The following CD6 variants were observed in gnomAD, a reference collection of about 807,000 sequenced individuals.
CD6 encodes T-cell differentiation antigen CD6.
In CD6, 53 loss-of-function variants were observed where a neutral mutation model predicts 75.3. The observed-to-expected ratio is 0.70, with a 90% CI of 0.56 to 0.88. The LOEUF (loss-of-function observed/expected upper bound fraction) is 0.88. Among genes scored for constraint, CD6 ranks in the 40% least tolerant of loss-of-function variants. The pLI is 0.00. For missense variants in CD6, 770 were observed against 897.1 expected (o/e 0.86, Z 1.81); for synonymous variants, 359 against 381.5 (o/e 0.94, Z 0.69).
rs370112043 is a variant in CD6 at position 61,018,444 on chromosome 11, G to T, written c.1942+51G>T. The T allele has an allele frequency of 3.8e-4, 487 of 1,287,484 alleles. 5 individuals carry two copies. The South Asian group carries it at 5.6e-3, about 15-fold the overall frequency. The allele number at this position is 1,287,484 out of a possible 1,614,324, so 79.8% of individuals were successfully genotyped here. A position where few individuals can be genotyped will look rare whatever the true frequency, so the allele number is the denominator to read the frequency against. ...GGGAGGGGGACAGAGAGGGACTGGG[G>T]AGTAAATGAGTGGGGAACTATTGGA... is the stretch of plus-strand genomic sequence containing the variant. On this transcript the variant is annotated intron_variant, in intron 12 of 12. Coordinates refer to ENST00000313421, the MANE Select transcript of CD6 (RefSeq NM_006725.5).
chr11:60,993,936 TC>T (rs1858167298), intron 1 of CD6, among the ~76,000 whole-genome samples: 1 of 151,474 alleles, frequency 6.6e-6, no homozygotes, highest in Admixed American at 6.6e-5. Flanking sequence ...GGAGGGGGAG[TC>T]CCAGCAATTG....
chr11:60,989,794 C>T (rs1219162279), intron 1 of CD6, among the ~76,000 whole-genome samples: 2 of 152,116 alleles, frequency 1.3e-5, no homozygotes, highest in Non-Finnish European at 2.9e-5. Flanking sequence ...CCAGAAAGTT[C>T]CTTGTCTCTT....
intron 1 of CD6, among the ~76,000 whole-genome samples, chr11:60,979,118 G>A (rs923547100): frequency 6.6e-6 from 1 of 152,186 alleles, no homozygotes; most frequent in Admixed American, 6.5e-5. Context: ...GCAGGCTGGT[G>A]CTTTTTCCAT....
At chr11:61,012,975 C>A (rs1828728027) in intron 6 of CD6, among the ~76,000 whole-genome samples, 1 of 152,222 alleles carries the variant, frequency 6.6e-6, no homozygotes, top group African/African-American at 2.4e-5. Context: ...GCTGTTCAAA[C>A]CTCCATCACA....
intron 1 of CD6, among the ~76,000 whole-genome samples, chr11:61,004,097 T>C (rs1858727691): frequency 1.3e-5 from 2 of 152,120 alleles, no homozygotes; most frequent in African/African-American, 4.8e-5. Flanking sequence ...ATTTTTGTCT[T>C]TATGCATGAG....
intron 1 of CD6, chr11:60,987,947 A>T (rs77084418): frequency 0.025 from 3,735 of 152,356 alleles, 79 homozygotes; most frequent in East Asian, 0.051. Context: ...AGAGAATGGA[A>T]TGAATGAGTG....
At chr11:60,981,299 A>G (rs1857550635) in intron 1 of CD6, among the ~76,000 whole-genome samples, 1 of 152,138 alleles carries the variant, frequency 6.6e-6, no homozygotes, top group South Asian at 2.1e-4. Flanking sequence ...CGCACCACTA[A>G]TAGATGACAG....
intron 1 of CD6, among the ~76,000 whole-genome samples, chr11:60,973,950 G>A (rs1857279613): frequency 6.6e-6 from 1 of 152,164 alleles, no homozygotes; most frequent in African/African-American, 2.4e-5. Context: ...CTACACTCCA[G>A]GCCTCCCTGA....
chr11:61,018,068 C>T, intron 11 of CD6, 55 bp downstream of exon 11: 1 of 1,585,898 alleles, frequency 6.3e-7, no homozygotes, highest in Non-Finnish European at 8.6e-7. Flanking sequence ...CTGGAGGAGG[C>T]ATAAAGCTGG....
chr11:60,981,395 C>G (rs980901238), intron 1 of CD6, among the ~76,000 whole-genome samples: 2 of 152,194 alleles, frequency 1.3e-5, no homozygotes, highest in Admixed American at 6.5e-5. Context: ...GACCCCTCCC[C>G]ACTCAAGACT....
chr11:61,015,552 CAG>C (rs767516785), intron 8 of CD6, 159 bp from the exon 9 acceptor site: 5 of 805,432 alleles, frequency 6.2e-6, no homozygotes, highest in Non-Finnish European at 9.9e-6. Flanking sequence ...GCCTGGACAA[CAG>C]AGTGAGACCC....
rs1858558878 is a variant in CD6 at position 61,000,965 on chromosome 11, A to G, written c.50-5609A>G. On this transcript the variant is annotated intron_variant, in intron 1 of 12. Transcript: ENST00000313421. ...GCACTCCCAACCTCTTTCTTCTCCT[A>G]TTCTGAAACCAGCCGCTCCCCTCCA... Among the ~76,000 whole-genome samples, 3 of 152,006 alleles carry G rather than the reference A, an allele frequency of 2.0e-5. No homozygotes were observed. The South Asian group carries it at 6.2e-4, about 32-fold the overall frequency.
rs1554995700 is a variant in CD6 at position 61,005,941 on chromosome 11, AAAAG to A, written c.50-616_50-613del. Among the ~76,000 whole-genome samples the A allele has an allele frequency of 1.5e-4, 22 of 151,322 alleles. No homozygotes were observed. In the South Asian group the frequency reaches 2.7e-3, roughly 19 times the overall value. Reference sequence around the variant, plus strand: ...AGCGAAACTCTGTCTCAAAAAAAAAAAAAGAAAGAAAGAAAGAAAGTAAATGGAA... The same window carrying A: ...AGCGAAACTCTGTCTCAAAAAAAAAAAAAGAAAGAAAGAAAGTAAATGGAA... On this transcript the variant is annotated intron_variant, in intron 1 of 12. Transcript: ENST00000313421.
At position 61,007,809 on chromosome 11, in the gene CD6, G is replaced by A. The variant is rs1272427171; in HGVS notation, c.368G>A (p.Gly123Glu). Residue 123 changes from glycine (G) to glutamate (E), a missense_variant, in exon 3 of 13, where the codon GGG (glycine) becomes GAG (glutamate). Coordinates refer to ENST00000313421, the MANE Select transcript of CD6 (RefSeq NM_006725.5). This position sits in a 1 kb window ranked among gnomAD's most constrained non-coding sequence, Gnocchi z 4.2. ...TSVAANATLA[G>E]APALLCSGAE... is the part of the protein sequence containing the mutation. Reference sequence around the variant, plus strand: ...GTAGCAGCTAATGCCACTCTGGCCGGGGCGCCCGCCCTCCTGTGCAGCGGC... The same window carrying A: ...GTAGCAGCTAATGCCACTCTGGCCGAGGCGCCCGCCCTCCTGTGCAGCGGC... 6.8e-7 allele frequency: 1 copy of A among 1,471,832 alleles called. No homozygotes were observed. The highest frequency in any genetic ancestry group is 3.0e-5 in the East Asian group (1 of 33,830). The allele number at this position is 1,471,832 out of a possible 1,614,324, so 91.2% of individuals were successfully genotyped here.
intron 1 of CD6, among the ~76,000 whole-genome samples, chr11:61,003,623 A>G (rs1462675021): frequency 2.6e-5 from 4 of 152,098 alleles, no homozygotes; most frequent in Non-Finnish European, 4.4e-5. Context: ...AGTCCTAGCT[A>G]CTCGGGAAAC....
intron 1 of CD6, among the ~76,000 whole-genome samples, chr11:60,974,385 G>A (rs2134982523): frequency 6.6e-6 from 1 of 152,274 alleles, no homozygotes; most frequent in African/African-American, 2.4e-5. Context: ...TAGCTGGGAT[G>A]ACAGGCATGC....
intron 1 of CD6, among the ~76,000 whole-genome samples, chr11:60,998,815 A>G (rs913569073): frequency 2.0e-5 from 3 of 150,648 alleles, no homozygotes; most frequent in East Asian, 3.9e-4. Context: ...TATTTGATAT[A>G]GAACATTTGA....
chr11:60,998,849 G>GAAAAAAAAAAAAAAAAAAAAAAAA (rs56391909), intron 1 of CD6, among the ~76,000 whole-genome samples: 1 of 129,372 alleles, frequency 7.7e-6, no homozygotes, highest in Non-Finnish European at 1.6e-5. Context: ...ACACAAGGCA[G>GAAAAAAAAAAAAAAAAAAAAAAAA]AAAAAAAAAA....
At chr11:61,002,962 T>TTTTC (rs1565153647) in intron 1 of CD6, among the ~76,000 whole-genome samples, 1 of 152,026 alleles carries the variant, frequency 6.6e-6, no homozygotes, top group Non-Finnish European at 1.5e-5. Context: ...AACTCTTTTC[T>TTTTC]TTTCTTTTCT....
Sources: gnomAD v4.1 joint callset for allele counts (sites outside exome capture counted in the v4.1 genomes callset) on GRCh38, gnomAD v4.1.1 for gene constraint, Gnocchi (gnomAD v3.1) non-coding constraint, MANE v1.5 for transcripts, NCBI Gene and HGNC (gene_info 2026-07-23, HGNC 2026-07-21) for gene names.